The following AEBP2 variants were observed in gnomAD, a reference collection of about 807,000 sequenced individuals.
The protein encoded by AEBP2 is AE binding protein 2, also known as zinc finger protein AEBP2.
In AEBP2, 10 loss-of-function variants were observed where a neutral mutation model predicts 50.8. That is an observed-to-expected ratio of 0.20 (90% CI 0.12 to 0.33). The LOEUF is 0.33. Among genes scored for constraint, AEBP2 ranks in the 10% least tolerant of loss-of-function variants. The pLI, the probability that AEBP2 is intolerant of heterozygous loss-of-function variation, is 1.00. For missense variants in AEBP2, 570 were observed against 688.0 expected, an observed-to-expected ratio of 0.83 and a Z score of 1.92; for synonymous variants, 296 against 261.3, an observed-to-expected ratio of 1.13 and a Z score of -1.28.
At chr12:19,424,265 G>T (rs184771906) in intron 1 of AEBP2, among the ~76,000 whole-genome samples, 4 of 152,276 alleles carry the variant, frequency 2.6e-5, no homozygotes, top group Admixed American at 2.6e-4. Context: ...ACACAGAAAA[G>T]ACTTGATCAT....
At chr12:19,456,126 A>G (rs144388963) in intron 1 of AEBP2, 177 of 628,184 alleles carry the variant, frequency 2.8e-4, no homozygotes, top group African/African-American at 2.1e-3. Flanking sequence ...AGGTTTTACA[A>G]TGCATTGTTG....
At chr12:19,494,999 C>T (rs1311988924) in intron 4 of AEBP2, among the ~76,000 whole-genome samples, 3 of 150,730 alleles carry the variant, frequency 2.0e-5, no homozygotes, top group African/African-American at 7.3e-5. Flanking sequence ...CTCCGACTTC[C>T]GGGTTCAAGC....
At chr12:19,410,583 C>A (rs575395987) in intron 1 of AEBP2, among the ~76,000 whole-genome samples, 2 of 152,272 alleles carry the variant, frequency 1.3e-5, no homozygotes, top group African/African-American at 4.8e-5. Context: ...ACTGCTTCTC[C>A]CCTGTTTCGT....
chr12:19,413,405 C>A, intron 1 of AEBP2: 1 of 1,048,506 alleles, frequency 9.5e-7, no homozygotes, highest in Non-Finnish European at 1.5e-6. Flanking sequence ...AAGACAACAA[C>A]AGTGAAATTC....
Position 19,518,254 on chromosome 12 carries a change from G to A in AEBP2, c.*137G>A. On this transcript the variant is annotated 3_prime_UTR_variant, in exon 8 of 8. Transcript: ENST00000266508. ...TTTTTTTTTTAAATCCAGTATTTAG[G>A]ATAATATTTATGCTTAGTGTAAACA... 1 of 1,324,874 alleles carries A rather than the reference G, an allele frequency of 7.5e-7. No individual in the cohort carries two copies. 82.1% of individuals were successfully genotyped at this position (1,324,874 alleles called of 1,614,324 possible).
At chr12:19,464,263 A>G (rs1948431617) in intron 2 of AEBP2, among the ~76,000 whole-genome samples, 1 of 152,258 alleles carries the variant, frequency 6.6e-6, no homozygotes, top group South Asian at 2.1e-4. Context: ...TATCTTAGCA[A>G]GTTGGTTTTC....
chr12:19,473,381 ATTTATTTATTTATTTATTTATTT>A (rs1948600105), intron 3 of AEBP2, 26 bp downstream of exon 3: 1 of 676,424 alleles, frequency 1.5e-6, no homozygotes, highest in African/African-American at 2.0e-5. Context: ...TATAAAATTT[ATTTATTTATTTATTTATTTATTT>A]ATTTATTTAT....
At chr12:19,457,776 C>T (rs1464683407) in intron 1 of AEBP2, 6 of 418,296 alleles carry the variant, frequency 1.4e-5, no homozygotes, top group South Asian at 7.0e-5. Context: ...CAGCATCAAG[C>T]GGGCACTTGT....
intron 1 of AEBP2, among the ~76,000 whole-genome samples, chr12:19,417,572 C>T (rs534229386): frequency 5.7e-4 from 87 of 151,576 alleles, no homozygotes; most frequent in African/African-American, 2.0e-3. Flanking sequence ...CACACCCGGC[C>T]AATTTTTATA....
intron 1 of AEBP2, among the ~76,000 whole-genome samples, chr12:19,422,037 G>T (rs4536311): frequency 1.3e-5 from 2 of 152,102 alleles, no homozygotes; most frequent in African/African-American, 4.8e-5. Flanking sequence ...AGCTACTCGG[G>T]AGGCTGAGGC....
intron 1 of AEBP2, among the ~76,000 whole-genome samples, chr12:19,459,147 T>G (rs1948326266): frequency 2.0e-5 from 3 of 152,352 alleles, no homozygotes; most frequent in Non-Finnish European, 4.4e-5. Context: ...GCTTTACAGT[T>G]GAATGTTTTA....
intron 1 of AEBP2, among the ~76,000 whole-genome samples, chr12:19,450,795 T>C (rs537336743): frequency 6.6e-6 from 1 of 151,442 alleles, no homozygotes; most frequent in Admixed American, 6.6e-5. Context: ...TGAACTATGA[T>C]TGTGCCACTG....
At chr12:19,452,662 T>G (rs1948184065) in intron 1 of AEBP2, among the ~76,000 whole-genome samples, 1 of 152,172 alleles carries the variant, frequency 6.6e-6, no homozygotes, top group South Asian at 2.1e-4. Context: ...GTAAAGAATT[T>G]TTACTCTTAG....
intron 1 of AEBP2, among the ~76,000 whole-genome samples, chr12:19,446,412 G>A (rs530581574): frequency 6.6e-6 from 1 of 152,216 alleles, no homozygotes; most frequent in South Asian, 2.1e-4. Context: ...AGGGGTTCGA[G>A]ACCAGCCAGG....
intron 1 of AEBP2, among the ~76,000 whole-genome samples, chr12:19,425,008 C>G (rs1420367623): frequency 6.6e-6 from 1 of 151,974 alleles, no homozygotes; most frequent in East Asian, 1.9e-4. Flanking sequence ...GACTCCATCT[C>G]AAAACAAACA....
intron 3 of AEBP2, among the ~76,000 whole-genome samples, chr12:19,479,175 C>A (rs1371641701): frequency 1.3e-5 from 2 of 152,190 alleles, no homozygotes; most frequent in Non-Finnish European, 2.9e-5. Context: ...TGCCACTGCA[C>A]TTTAACCAGG....
chr12:19,421,181 T>C (rs1449216614), intron 1 of AEBP2, among the ~76,000 whole-genome samples: 1 of 151,590 alleles, frequency 6.6e-6, no homozygotes, highest in Non-Finnish European at 1.5e-5. Context: ...CTGTCTCTAC[T>C]GTAAATACAA....
intron 3 of AEBP2, among the ~76,000 whole-genome samples, chr12:19,492,355 CCTGAACATT>C (rs1461727640): frequency 1.3e-5 from 2 of 152,114 alleles, no homozygotes; most frequent in African/African-American, 4.8e-5. Context: ...TCTGGTGCTA[CCTGAACATT>C]CTGCATTCTT....
At chr12:19,452,689 T>C (rs1174804466) in intron 1 of AEBP2, among the ~76,000 whole-genome samples, 1 of 152,192 alleles carries the variant, frequency 6.6e-6, no homozygotes, top group Non-Finnish European at 1.5e-5. Flanking sequence ...GCATTAGGTG[T>C]ACAACTTCAG....
Sources: allele counts gnomAD v4.1 joint callset (sites outside exome capture counted in the v4.1 genomes callset), GRCh38; gene constraint gnomAD v4.1.1; transcripts MANE v1.5; gene names NCBI Gene and HGNC (gene_info 2026-07-23, HGNC 2026-07-21).